The following KCNMB4 variants were observed in gnomAD, a reference collection of about 807,000 sequenced individuals.
KCNMB4 encodes potassium calcium-activated channel subfamily M regulatory beta subunit 4.
KCNMB4 carries 3 observed loss-of-function variants against 20.7 expected under a neutral mutation model. That is an observed-to-expected ratio of 0.14 (90% CI 0.07 to 0.37). The LOEUF (loss-of-function observed/expected upper bound fraction) is 0.37. Ranked by LOEUF, KCNMB4 falls within the 10% of genes least tolerant of loss-of-function variation. KCNMB4 has a pLI of 1.00. For synonymous variants in KCNMB4, 110 were observed against 113.4 expected, an observed-to-expected ratio of 0.97 and a Z score of 0.19; for missense variants, 168 against 265.9, an observed-to-expected ratio of 0.63 and a Z score of 2.56.
intron 2 of KCNMB4, among the ~76,000 whole-genome samples, chr12:70,424,086 A>G (rs753687862): frequency 9.9e-5 from 15 of 152,146 alleles, no homozygotes; most frequent in Non-Finnish European, 2.1e-4. Context: ...AAAGTTTCCT[A>G]TGGGAAGGAC....
At chr12:70,421,430 C>G (rs1869050141) in intron 2 of KCNMB4, among the ~76,000 whole-genome samples, 1 of 132,578 alleles carries the variant, frequency 7.5e-6, no homozygotes, top group African/African-American at 2.8e-5. Context: ...AGGTTAAGCA[C>G]TCCAGCCTGG....
intron 2 of KCNMB4, among the ~76,000 whole-genome samples, chr12:70,417,489 C>T (rs1472431029): frequency 1.3e-5 from 2 of 151,804 alleles, no homozygotes; most frequent in African/African-American, 2.4e-5. Flanking sequence ...AGATAGAGAT[C>T]GATTAAAAGA....
chr12:70,422,144 A>G (rs1490814068), intron 2 of KCNMB4, among the ~76,000 whole-genome samples: 1 of 152,228 alleles, frequency 6.6e-6, no homozygotes, highest in Non-Finnish European at 1.5e-5. Context: ...GAGAACTATT[A>G]TAAGAATAAT....
intron 2 of KCNMB4, among the ~76,000 whole-genome samples, chr12:70,420,875 G>A (rs1385305403): frequency 6.6e-6 from 1 of 151,896 alleles, no homozygotes; most frequent in Non-Finnish European, 1.5e-5. Context: ...TGGCTAACAC[G>A]GTGAAACCCC....
chr12:70,381,649 G>A (rs1308222823), intron 1 of KCNMB4, among the ~76,000 whole-genome samples: 1 of 152,200 alleles, frequency 6.6e-6, no homozygotes, highest in East Asian at 1.9e-4. Flanking sequence ...TCCATTTACA[G>A]GAAATGTCCA....
intron 1 of KCNMB4, 132 bp from the exon 2 acceptor site, chr12:70,400,077 T>A: frequency 1.6e-6 from 1 of 626,872 alleles, no homozygotes. Flanking sequence ...AATTTCAATT[T>A]GGTTGTATTT....
intron 1 of KCNMB4, among the ~76,000 whole-genome samples, chr12:70,388,238 T>G (rs1275792274): frequency 6.6e-6 from 1 of 152,230 alleles, no homozygotes; most frequent in Non-Finnish European, 1.5e-5. Flanking sequence ...TGATGGACAC[T>G]TAGGTCACTT....
chr12:70,396,735 C>G (rs1228569930), intron 1 of KCNMB4, among the ~76,000 whole-genome samples: 1 of 152,204 alleles, frequency 6.6e-6, no homozygotes, highest in Non-Finnish European at 1.5e-5. Context: ...GTGATGATGA[C>G]GTTACCATGT....
intron 1 of KCNMB4, among the ~76,000 whole-genome samples, chr12:70,390,862 G>A (rs1435441986): frequency 6.6e-6 from 1 of 152,170 alleles, no homozygotes; most frequent in Non-Finnish European, 1.5e-5. Context: ...CTCATTCTAA[G>A]CACAGGTGTA....
Position 70,389,328 on chromosome 12 carries a change from A to G in KCNMB4, c.337-10881A>G, listed in dbSNP as rs187921629. 2.2e-3 allele frequency among the ~76,000 whole-genome samples: 339 copies of G among 152,158 alleles called. 1 individual carries two copies. The highest frequency in any genetic ancestry group is 3.7e-3 in the Non-Finnish European group (249 of 68,000). ...ATTCTCCTGCAGAATTGTAAAACCC[A>G]TTTGTATACTGTTTGTCATATGACC... is the stretch of plus-strand genomic sequence containing the variant. On this transcript the variant is annotated intron_variant, in intron 1 of 2. Transcript: ENST00000258111.
At chr12:70,422,919 A>C in intron 2 of KCNMB4, 1 of 909,838 alleles carries the variant, frequency 1.1e-6, no homozygotes, top group Non-Finnish European at 1.4e-6. Flanking sequence ...CCAGGCCTCT[A>C]CTTTAGGAGA....
At chr12:70,384,583 T>G (rs185267218) in intron 1 of KCNMB4, among the ~76,000 whole-genome samples, 8 of 152,348 alleles carry the variant, frequency 5.3e-5, no homozygotes, top group Admixed American at 5.2e-4. Flanking sequence ...AGAAGCTACC[T>G]GGTATAATGG....
At chr12:70,375,360 C>T (rs1432104223) in intron 1 of KCNMB4, among the ~76,000 whole-genome samples, 7 of 151,776 alleles carry the variant, frequency 4.6e-5, no homozygotes, top group Admixed American at 2.0e-4. Flanking sequence ...TCTGGCTGAG[C>T]GTGGTGGCTC....
intron 2 of KCNMB4, among the ~76,000 whole-genome samples, chr12:70,426,825 T>C (rs1249222043): frequency 1.3e-5 from 2 of 152,164 alleles, no homozygotes; most frequent in African/African-American, 4.8e-5. Flanking sequence ...TGACTGTCAT[T>C]ATTATCACCA....
At chr12:70,418,028 G>A (rs1458782068) in intron 2 of KCNMB4, among the ~76,000 whole-genome samples, 2 of 152,134 alleles carry the variant, frequency 1.3e-5, no homozygotes, top group Non-Finnish European at 2.9e-5. Context: ...CAAAATTCAT[G>A]GGGAAAATGT....
chr12:70,405,313 TA>T (rs1868569152), intron 2 of KCNMB4, among the ~76,000 whole-genome samples: 1 of 152,006 alleles, frequency 6.6e-6, no homozygotes, highest in South Asian at 2.1e-4. Context: ...TAATCTGATT[TA>T]AAAAAAGGCT....
At position 70,400,204 on chromosome 12, in the gene KCNMB4, G is replaced by C; in HGVS notation, c.337-5G>C. 2 of 1,579,648 alleles carry C rather than the reference G, an allele frequency of 1.3e-6. No individual in the cohort carries two copies. Among genetic ancestry groups the C allele is most frequent in the Non-Finnish European group, 1.7e-6 (2 of 1,165,446 alleles). On this transcript the variant is annotated splice_region_variant and splice_polypyrimidine_tract_variant and intron_variant, in intron 1 of 2. Coordinates refer to ENST00000258111, the MANE Select transcript of KCNMB4 (RefSeq NM_014505.6). ...AGGTTTACTTTCTGTATTCTATTTT[G>C]TTAGTGCTCCTATATCCCTCCCTGT...
At chr12:70,415,757 A>G (rs1868897882) in intron 2 of KCNMB4, among the ~76,000 whole-genome samples, 1 of 152,096 alleles carries the variant, frequency 6.6e-6, no homozygotes, top group African/African-American at 2.4e-5. Flanking sequence ...ACAAATGTCC[A>G]TTGCATTTTG....
intron 2 of KCNMB4, among the ~76,000 whole-genome samples, chr12:70,406,469 G>A (rs1035408403): frequency 9.2e-5 from 14 of 152,134 alleles, no homozygotes; most frequent in African/African-American, 3.1e-4. Flanking sequence ...AAAATGGAAC[G>A]TGCCCTGAAG....
Sources: gnomAD v4.1 joint callset for allele counts (sites outside exome capture counted in the v4.1 genomes callset) on GRCh38, gnomAD v4.1.1 for gene constraint, MANE v1.5 for transcripts, NCBI Gene and HGNC (gene_info 2026-07-23, HGNC 2026-07-21) for gene names.